The following DDX10 variants were observed in gnomAD, a reference collection of about 807,000 sequenced individuals.
DDX10 encodes DEAD-box helicase 10.
In DDX10, 74 loss-of-function variants were observed where a neutral mutation model predicts 104.3. The ratio of observed to expected loss-of-function variants is 0.71; its 90% CI spans 0.59 to 0.86. The LOEUF (loss-of-function observed/expected upper bound fraction) is 0.86. Ranked by LOEUF, DDX10 falls within the 40% of genes least tolerant of loss-of-function variation. The probability of loss-of-function intolerance (pLI) is 0.00; values close to 1 mark genes in which losing one functional copy is unlikely to be tolerated. For synonymous variants in DDX10, 351 were observed against 353.4 expected, an observed-to-expected ratio of 0.99 and a Z score of 0.08; for missense variants, 952 against 1,040.0, an observed-to-expected ratio of 0.92 and a Z score of 1.16.
intron 16 of DDX10, among the ~76,000 whole-genome samples, chr11:108,866,475 G>C (rs558008308): frequency 2.6e-5 from 4 of 152,192 alleles, no homozygotes; most frequent in Non-Finnish European, 5.9e-5. Context: ...TTAAGTCCTG[G>C]GCAGGACTGT....
intron 16 of DDX10, among the ~76,000 whole-genome samples, chr11:108,856,460 C>CA (rs199970044): frequency 1.3e-4 from 20 of 149,184 alleles, no homozygotes; most frequent in East Asian, 7.9e-4. Flanking sequence ...AAAAAACCAC[C>CA]AAAAAAAACA....
intron 1 of DDX10, among the ~76,000 whole-genome samples, chr11:108,670,842 C>T (rs934369936): frequency 2.6e-5 from 4 of 151,390 alleles, no homozygotes; most frequent in Non-Finnish European, 4.4e-5. Context: ...GTAGTTGAGG[C>T]GGTTTGCTGT....
At chr11:108,889,803 A>T (rs1425043859) in intron 16 of DDX10, among the ~76,000 whole-genome samples, 1 of 152,202 alleles carries the variant, frequency 6.6e-6, no homozygotes, top group African/African-American at 2.4e-5. Flanking sequence ...GAATGAGAAA[A>T]TGTTTTTGCT....
chr11:108,789,395 C>G (rs1405427110), intron 13 of DDX10, among the ~76,000 whole-genome samples: 2 of 152,114 alleles, frequency 1.3e-5, no homozygotes, highest in Non-Finnish European at 2.9e-5. Flanking sequence ...TTTAAAAACT[C>G]GTGAAAGATG....
intron 17 of DDX10, among the ~76,000 whole-genome samples, chr11:108,930,811 C>G (rs1863966636): frequency 1.3e-5 from 2 of 152,098 alleles, no homozygotes; most frequent in African/African-American, 4.8e-5. Flanking sequence ...ACTATTCTGC[C>G]AAACATGAAA....
chr11:108,692,055 T>C lies in DDX10; in HGVS notation c.1138+17T>C. 3.2e-6 allele frequency: 5 copies of C among 1,574,292 alleles called. No homozygotes were observed. Among genetic ancestry groups the C allele is most frequent in the Non-Finnish European group, 4.3e-6 (5 of 1,158,692 alleles). ...GGGGTCTGGGTAAGAAAACTTCCTA[T>C]CATGAAATTTCTGTGATTGTGTGAA... On this transcript the variant is annotated intron_variant, in intron 8 of 17. Transcript: ENST00000322536.
At chr11:108,841,963 G>T (rs895706522) in intron 15 of DDX10, among the ~76,000 whole-genome samples, 1 of 152,116 alleles carries the variant, frequency 6.6e-6, no homozygotes, top group Non-Finnish European at 1.5e-5. Context: ...ATGTCCCATC[G>T]TATGGATGTA....
At chr11:108,815,605 T>C (rs147127831) in intron 13 of DDX10, among the ~76,000 whole-genome samples, 10 of 152,338 alleles carry the variant, frequency 6.6e-5, no homozygotes, top group African/African-American at 2.4e-4. Flanking sequence ...TTTAATGCTA[T>C]CATGTGTCCC....
intron 16 of DDX10, among the ~76,000 whole-genome samples, chr11:108,881,102 A>G (rs1863222248): frequency 6.6e-6 from 1 of 152,210 alleles, no homozygotes; most frequent in South Asian, 2.1e-4. Context: ...AATGCGTCAC[A>G]TGCATTGTGA....
chr11:108,937,218 G>A (rs905596996), intron 17 of DDX10, among the ~76,000 whole-genome samples: 3 of 152,070 alleles, frequency 2.0e-5, no homozygotes, highest in African/African-American at 7.2e-5. Context: ...GAGGAGTGAG[G>A]GACTGGGAGG....
chr11:108,838,834 C>T (rs1476350017), intron 14 of DDX10, among the ~76,000 whole-genome samples: 1 of 152,170 alleles, frequency 6.6e-6, no homozygotes, highest in East Asian at 1.9e-4. Flanking sequence ...ATAAGGTTTT[C>T]TCTTCATGGT....
At chr11:108,771,956 C>G (rs2094363785) in intron 13 of DDX10, among the ~76,000 whole-genome samples, 1 of 152,168 alleles carries the variant, frequency 6.6e-6, no homozygotes, top group South Asian at 2.1e-4. Context: ...AACATCAGGG[C>G]TCTGCTAACG....
intron 13 of DDX10, among the ~76,000 whole-genome samples, chr11:108,776,758 C>T (rs2094370437): frequency 6.6e-6 from 1 of 152,118 alleles, no homozygotes; most frequent in Non-Finnish European, 1.5e-5. Context: ...CATGTTGTTG[C>T]TGGGTTATAG....
At chr11:108,844,178 A>G (rs941404507) in intron 15 of DDX10, among the ~76,000 whole-genome samples, 1 of 152,106 alleles carries the variant, frequency 6.6e-6, no homozygotes, top group Non-Finnish European at 1.5e-5. Flanking sequence ...TTTTAAAGTG[A>G]CAACTTTCTA....
intron 16 of DDX10, among the ~76,000 whole-genome samples, chr11:108,903,437 G>C (rs1433498281): frequency 6.6e-6 from 1 of 151,998 alleles, no homozygotes; most frequent in Non-Finnish European, 1.5e-5. Flanking sequence ...ATATCTGTGA[G>C]TCCCTCATCC....
At position 108,777,698 on chromosome 11, in the gene DDX10, A is replaced by G. The variant is rs141393137; in HGVS notation, c.1965+54236A>G. ...AGTGTTGGAAGTTCTGGCCAGGGCA[A>G]TCAGGCAAGAGAAAGAAATAAAGGG... On this transcript the variant is annotated intron_variant, in intron 13 of 17. Coordinates refer to ENST00000322536, the MANE Select transcript of DDX10 (RefSeq NM_004398.4). Among the ~76,000 whole-genome samples the G allele has an allele frequency of 7.7e-3, 1,175 of 152,320 alleles. 5 individuals are homozygous for G. Among genetic ancestry groups the G allele is most frequent in the Non-Finnish European group, 0.012 (805 of 68,028 alleles).
chr11:108,926,212 C>T (rs1863906482), intron 17 of DDX10, among the ~76,000 whole-genome samples: 1 of 151,972 alleles, frequency 6.6e-6, no homozygotes, highest in South Asian at 2.1e-4. Flanking sequence ...GGATTCTTAA[C>T]CTGGGCTCTA....
At chr11:108,753,723 A>G (rs545285193) in intron 13 of DDX10, among the ~76,000 whole-genome samples, 2 of 152,208 alleles carry the variant, frequency 1.3e-5, no homozygotes, top group African/African-American at 4.8e-5. Context: ...CACAATGGCA[A>G]ATAAGCAAAA....
At chr11:108,852,292 G>T in intron 16 of DDX10, 83 bp downstream of exon 16, 1 of 945,706 alleles carries the variant, frequency 1.1e-6, no homozygotes, top group Non-Finnish European at 1.6e-6. Flanking sequence ...CAAGAACAAT[G>T]CTTATAATGT....
Sources: allele counts gnomAD v4.1 joint callset (sites outside exome capture counted in the v4.1 genomes callset), GRCh38; gene constraint gnomAD v4.1.1; transcripts MANE v1.5; gene names NCBI Gene and HGNC (gene_info 2026-07-23, HGNC 2026-07-21).